Variants in DOCK11 observed in about 807,000 individuals in gnomAD.
DOCK11 encodes the protein dedicator of cytokinesis protein 11.
DOCK11 carries 70 observed loss-of-function variants against 169.1 expected under a neutral mutation model. The observed-to-expected ratio is 0.41, with a 90% CI of 0.34 to 0.51. The LOEUF is 0.51. Among genes scored for constraint, DOCK11 ranks in the 20% least tolerant of loss-of-function variants. The pLI, the probability that DOCK11 is intolerant of heterozygous loss-of-function variation, is 0.10. For synonymous variants in DOCK11, 529 were observed against 541.3 expected (o/e 0.98, Z 0.32); for missense variants, 1,166 against 1,538.8 (o/e 0.76, Z 4.05).
At chrX:118,534,225 TAA>T (rs1019397572) in intron 1 of DOCK11, among the ~76,000 whole-genome samples, 6 of 112,093 alleles carry the variant, frequency 5.4e-5, no homozygotes, top group African/African-American at 1.9e-4. Flanking sequence ...GTTTGTCGAG[TAA>T]AGTTTTGGCT....
intron 14 of DOCK11, 38 bp from the exon 15 acceptor site, chrX:118,584,695 AAT>A: frequency 9.3e-7 from 1 of 1,079,782 alleles, no homozygotes; most frequent in Non-Finnish European, 1.2e-6. Context: ...ATCAACATGG[AAT>A]TTTTTTTTTT....
At chrX:118,642,944 G>A (rs1200926260) in intron 39 of DOCK11, among the ~76,000 whole-genome samples, 2 of 111,845 alleles carry the variant, frequency 1.8e-5, no homozygotes, top group East Asian at 5.6e-4. Context: ...CTGTTCAATT[G>A]TGATACCTGT....
intron 23 of DOCK11, among the ~76,000 whole-genome samples, chrX:118,604,621 CTGTT>C (rs943916642): frequency 1.1e-4 from 10 of 91,821 alleles, no homozygotes; most frequent in Non-Finnish European, 2.0e-4. Flanking sequence ...ACAACTTTCA[CTGTT>C]TGTATTATTT....
intron 1 of DOCK11, among the ~76,000 whole-genome samples, chrX:118,534,576 C>CCTTCGAAATCATATTGTG (rs1426010015): frequency 8.9e-6 from 1 of 111,833 alleles, no homozygotes; most frequent in African/African-American, 3.3e-5. Context: ...GATTTAAAGG[C>CCTTCGAAATCATATTGTG]CTTCGAAATC....
rs769316079 is a variant in DOCK11 at position 118,572,304 on chromosome X, C to T, written c.1036-19C>T. 2.7e-6 allele frequency: 3 copies of T among 1,108,747 alleles called. No individual in the cohort carries two copies. The African/African-American group carries it at 5.5e-5, about 20-fold the overall frequency. 91.4% of individuals were successfully genotyped at this position (1,108,747 alleles called of 1,213,427 possible). A position where few individuals can be genotyped will look rare whatever the true frequency, so the allele number is the denominator to read the frequency against. The stretch of plus-strand genomic sequence containing the variant: ...ATCCCATCTTTTTTTGAAAATGATT[C>T]ATACTATCTCTTTTATAGAGGTTGG... On this transcript the variant is annotated intron_variant, in intron 10 of 52. Coordinates refer to ENST00000276202, the MANE Select transcript of DOCK11 (RefSeq NM_144658.4).
chrX:118,616,197 A>G, intron 30 of DOCK11: 1 of 957,023 alleles, frequency 1.0e-6, no homozygotes, highest in South Asian at 2.0e-5. Context: ...TCATATATTA[A>G]TTAGATTTTT....
intron 23 of DOCK11, among the ~76,000 whole-genome samples, chrX:118,602,289 G>A (rs2014368495): frequency 9.1e-6 from 1 of 109,409 alleles, no homozygotes; most frequent in African/African-American, 3.3e-5. Context: ...CCATCCACTT[G>A]TTGAGCTCTT....
In DOCK11 at chrX:118,566,119, A is replaced by G. The variant is rs1398257818; in HGVS notation, c.808A>G (p.Ile270Val). Reference protein sequence around the residue: ...MEEWLITLKKIIQINTDSLVQ... With the variant: ...MEEWLITLKKVIQINTDSLVQ... ...GGAATGGTTGATAACTTTGAAAAAG[A>G]TTATTCAGATCAACACCGACAGTTT... Residue 270 changes from isoleucine (I) to valine (V), a missense_variant, in exon 8 of 53, where the codon ATT (isoleucine) becomes GTT (valine). Physicochemically the swap from Ile to Val is conservative, Grantham distance 29. Transcript: ENST00000276202. 4 of 1,211,057 alleles carry G rather than the reference A, an allele frequency of 3.3e-6. No individual in the cohort carries two copies. In the South Asian group the frequency reaches 7.0e-5, roughly 21 times the overall value.
chrX:118,585,622 A>C (rs1303601487), intron 16 of DOCK11, among the ~76,000 whole-genome samples: 3 of 107,929 alleles, frequency 2.8e-5, no homozygotes. Flanking sequence ...ATGCTTTTCA[A>C]CCCAGTATGC....
chrX:118,592,924 GTAGTTTTGACT>G (rs754160901), intron 19 of DOCK11, among the ~76,000 whole-genome samples: 1 of 112,706 alleles, frequency 8.9e-6, no homozygotes, highest in South Asian at 3.6e-4. Context: ...CTGTGATGAT[GTAGTTTTGACT>G]TAGTGTTTTA....
intron 49 of DOCK11, 127 bp downstream of exon 49, chrX:118,680,819 A>C (rs2016726356): frequency 1.6e-6 from 1 of 615,967 alleles, no homozygotes; most frequent in Admixed American, 3.8e-5. Flanking sequence ...GTTCAGTTAC[A>C]AGTTTGCACA....
chrX:118,527,943 G>T (rs1317347809), intron 1 of DOCK11, among the ~76,000 whole-genome samples: 1 of 112,390 alleles, frequency 8.9e-6, no homozygotes, highest in Non-Finnish European at 1.9e-5. Context: ...TTAGGAAGTG[G>T]ATAGAGTGGT....
In DOCK11 at chrX:118,588,207, T is replaced by G; in HGVS notation, c.1866T>G (p.Val622=). The change falls in exon 17 of 53, where the codon GTT becomes GTG. Residue 622 remains valine, a synonymous_variant. Transcript: ENST00000276202. ...ATTGCCAAAATATTACTGTGGAGGTTGAAGAGTTTGTTCCAGAAATGACAA... is the reference window on the plus strand; with the variant it reads ...ATTGCCAAAATATTACTGTGGAGGTGGAAGAGTTTGTTCCAGAAATGACAA... ...EKNCQNITVE[V]EEFVPEMTKY... is the part of the protein sequence containing the mutation. 8.3e-7 allele frequency: 1 copy of G among 1,206,058 alleles called. No individual in the cohort carries two copies.
intron 23 of DOCK11, among the ~76,000 whole-genome samples, chrX:118,603,863 T>C (rs781629900): frequency 4.1e-4 from 46 of 112,204 alleles, no homozygotes; most frequent in Non-Finnish European, 7.1e-4. Context: ...AAGTATATGA[T>C]ATATTCAAGA....
At chrX:118,571,309 C>T (rs2013264125) in intron 10 of DOCK11, among the ~76,000 whole-genome samples, 1 of 110,954 alleles carries the variant, frequency 9.0e-6, no homozygotes, top group African/African-American at 3.3e-5. Context: ...TTCATAACAT[C>T]GTTATCTATT....
At chrX:118,531,545 GTA>G (rs200395078) in intron 1 of DOCK11, among the ~76,000 whole-genome samples, 30,196 of 96,888 alleles carry the variant, frequency 0.31, 3,687 homozygotes, top group Admixed American at 0.39. Flanking sequence ...TTTGAAGTGT[GTA>G]TATATATATA....
Position 118,680,635 on chromosome X carries a change from T to A in DOCK11, c.5614T>A (p.Ser1872Thr). Residue 1872 changes from serine (S) to threonine (T), a missense_variant, in exon 49 of 53, where the codon TCA becomes ACA. Transcript: ENST00000276202. Reference protein sequence around the residue: ...RFVFEAPYTLSGKKQGCIEEQ... With the variant: ...RFVFEAPYTLTGKKQGCIEEQ... ...TGTTTTTGAGGCCCCTTACACTTTA[T>A]CAGGCAAAAAACAGGGCTGTATAGA... is the stretch of plus-strand genomic sequence containing the variant. 8.3e-7 allele frequency: 1 copy of A among 1,210,651 alleles called. No homozygotes were observed. Among genetic ancestry groups the A allele is most frequent in the Non-Finnish European group, 1.1e-6 (1 of 895,004 alleles).
chrX:118,566,587 C>T lies in DOCK11; in HGVS notation c.885C>T (p.Ser295=), dbSNP rs746726977. The change falls in exon 9 of 53, where the codon AGC becomes AGT. Residue 295 remains serine (S), a synonymous_variant. Coordinates refer to ENST00000276202, the MANE Select transcript of DOCK11 (RefSeq NM_144658.4). ...ATGAATTTGCAGATGATGAAACTAG[C>T]AGCCAAGGAAAAGCCGAGAACATCA... ...TVETAQDDET[S]SQGKAENIMA... 3 of 1,210,485 alleles carry T rather than the reference C, an allele frequency of 2.5e-6. No homozygotes were observed. In the Admixed American group the frequency reaches 6.5e-5, roughly 26 times the overall value.
intron 10 of DOCK11, among the ~76,000 whole-genome samples, chrX:118,569,218 G>A (rs1358814911): frequency 2.8e-5 from 3 of 105,324 alleles, no homozygotes; most frequent in Non-Finnish European, 5.8e-5. Flanking sequence ...TCAGCCTCCC[G>A]AGTAGCTGGG....
Sources: allele counts gnomAD v4.1 joint callset (sites outside exome capture counted in the v4.1 genomes callset), GRCh38; gene constraint gnomAD v4.1.1; transcripts MANE v1.5; gene names NCBI Gene and HGNC (gene_info 2026-07-23, HGNC 2026-07-21).